SARNP: variants seen among roughly 807,000 people sequenced by gnomAD.
SARNP encodes the protein SAP domain containing ribonucleoprotein.
SARNP carries 5 observed loss-of-function variants against 38.1 expected under a neutral mutation model. That is an observed-to-expected ratio of 0.13 (90% CI 0.07 to 0.28). The LOEUF (loss-of-function observed/expected upper bound fraction) is 0.28, where lower values mean the gene tolerates loss of function less well. Ranked by LOEUF, SARNP falls within the 10% of genes least tolerant of loss-of-function variation. SARNP has a pLI of 1.00. For synonymous variants in SARNP, 84 were observed against 80.6 expected (o/e 1.04, Z -0.23); for missense variants, 180 against 243.9 (o/e 0.74, Z 1.75).
chr12:55,753,770 CAAAAAAAAAAAAAA>C (rs35350773), downstream of SARNP: 5 of 51,098 alleles, frequency 9.8e-5, no homozygotes, highest in East Asian at 5.7e-4. Flanking sequence ...CTCCCATCTC[CAAAAAAAAAAAAAA>C]AAAAAAAAAA....
chr12:55,764,398 G>A (rs1168117941), intron 9 of SARNP, among the ~76,000 whole-genome samples: 1 of 152,084 alleles, frequency 6.6e-6, no homozygotes, highest in Admixed American at 6.5e-5. Context: ...GGGCGTGGTG[G>A]CGCATGCCTG....
intron 10 of SARNP, 95 bp downstream of exon 10, chr12:55,760,444 GTAAATAAATAAA>G (rs542134059): frequency 1.4e-6 from 1 of 700,638 alleles, no homozygotes; most frequent in Admixed American, 2.5e-5. Flanking sequence ...ACTTAAATAA[GTAAATAAATAAA>G]TAAATAAATA....
intron 7 of SARNP, among the ~76,000 whole-genome samples, chr12:55,791,885 G>C (rs1879680982): frequency 6.6e-6 from 1 of 152,066 alleles, no homozygotes; most frequent in Non-Finnish European, 1.5e-5. Context: ...TTACTCTATA[G>C]TTCTAAGATG....
chr12:55,817,406 C>T (rs1004281686), intron 1 of SARNP, among the ~76,000 whole-genome samples: 1 of 152,138 alleles, frequency 6.6e-6, no homozygotes, highest in Non-Finnish European at 1.5e-5. Flanking sequence ...GGCACTTACA[C>T]AACCCAGTGG....
chr12:55,816,775 A>G (rs1172061871), intron 1 of SARNP, among the ~76,000 whole-genome samples: 4 of 152,204 alleles, frequency 2.6e-5, no homozygotes, highest in Admixed American at 6.5e-5. Context: ...TCTTTTTAAT[A>G]TATTTTTTTA....
chr12:55,771,830 T>C (rs1056229565), intron 9 of SARNP, among the ~76,000 whole-genome samples: 2 of 152,130 alleles, frequency 1.3e-5, no homozygotes, highest in Non-Finnish European at 2.9e-5. Context: ...ACGTGACTGA[T>C]GGCAGGATGA....
At chr12:55,774,620 C>T (rs1196927321) in intron 9 of SARNP, among the ~76,000 whole-genome samples, 1 of 147,014 alleles carries the variant, frequency 6.8e-6, no homozygotes, top group Admixed American at 6.8e-5. Flanking sequence ...TGGCGGCATG[C>T]ACCTGTAATC....
At chr12:55,790,413 A>T (rs530253644) in intron 8 of SARNP, among the ~76,000 whole-genome samples, 154 bp downstream of exon 8, 1 of 152,308 alleles carries the variant, frequency 6.6e-6, no homozygotes, top group South Asian at 2.1e-4. Flanking sequence ...TATCTCCAAC[A>T]ATTTTTTAAA....
chr12:55,807,221 G>C (rs769044736), intron 1 of SARNP, among the ~76,000 whole-genome samples: 3 of 152,200 alleles, frequency 2.0e-5, no homozygotes, highest in Non-Finnish European at 4.4e-5. Context: ...GGATATAGCA[G>C]TGACATCAAA....
rs768981214 is a variant in SARNP at position 55,757,472 on chromosome 12, T to C, written c.*40A>G. ...ATGTGACCAAGAAGAAGGAGAGAAA[T>C]GGAAAACACTGGAGAACAGAAAGTA... On this transcript the variant is annotated 3_prime_UTR_variant, in exon 11 of 11. Transcript: ENST00000336133. The C allele has an allele frequency of 1.3e-5, 21 of 1,572,644 alleles. No homozygotes were observed. The highest frequency in any genetic ancestry group is 1.8e-5 in the Non-Finnish European group (21 of 1,153,828).
chr12:55,764,438 G>A (rs1878764527), intron 9 of SARNP, among the ~76,000 whole-genome samples: 1 of 151,926 alleles, frequency 6.6e-6, no homozygotes, highest in Non-Finnish European at 1.5e-5. Flanking sequence ...GGCTGAGGCA[G>A]GAGAAGCGCT....
At chr12:55,756,864 G>A (rs761260772), downstream of SARNP, 2 of 152,098 alleles carry the variant, frequency 1.3e-5, no homozygotes, top group Non-Finnish European at 2.9e-5. Context: ...TGAAATCAGG[G>A]CCCTTTTCCT....
chr12:55,788,685 G>A (rs1879577188), intron 9 of SARNP, among the ~76,000 whole-genome samples: 1 of 152,114 alleles, frequency 6.6e-6, no homozygotes, highest in African/African-American at 2.4e-5. Flanking sequence ...TGTAGTTTTA[G>A]CTACGAGAAA....
intron 1 of SARNP, among the ~76,000 whole-genome samples, chr12:55,816,508 A>G (rs373036007): frequency 6.6e-6 from 1 of 152,218 alleles, no homozygotes; most frequent in South Asian, 2.1e-4. Context: ...TCAGTTTCAC[A>G]GAAAGACTAA....
chr12:55,767,619 G>A (rs528589457), intron 9 of SARNP, among the ~76,000 whole-genome samples: 106 of 151,926 alleles, frequency 7.0e-4, no homozygotes, highest in Non-Finnish European at 1.3e-3. Flanking sequence ...AGGCCGAGAC[G>A]GGTGGATCAC....
At chr12:55,785,653 T>C (rs867473206) in intron 9 of SARNP, among the ~76,000 whole-genome samples, 1 of 151,800 alleles carries the variant, frequency 6.6e-6, no homozygotes, top group Non-Finnish European at 1.5e-5. Context: ...CGCACTCCCA[T>C]ATTCTTAGCT....
chr12:55,787,667 C>T (rs566797020), intron 9 of SARNP, among the ~76,000 whole-genome samples: 7 of 152,078 alleles, frequency 4.6e-5, no homozygotes, highest in African/African-American at 1.7e-4. Flanking sequence ...AACTCCTGAC[C>T]TCAGGTGATC....
downstream of SARNP, chr12:55,757,260 A>AT (rs1878535393): frequency 2.9e-6 from 1 of 347,046 alleles, no homozygotes; most frequent in Non-Finnish European, 5.3e-6. Flanking sequence ...GCACCTAATA[A>AT]AACACATTGT....
intron 1 of SARNP, among the ~76,000 whole-genome samples, chr12:55,808,252 G>A (rs1034436823): frequency 1.3e-5 from 2 of 152,070 alleles, no homozygotes; most frequent in African/African-American, 2.4e-5. Context: ...GAAGGCTGAG[G>A]CAGGAGGACA....
Sources: allele counts gnomAD v4.1 joint callset (sites outside exome capture counted in the v4.1 genomes callset), GRCh38; gene constraint gnomAD v4.1.1; transcripts MANE v1.5; gene names NCBI Gene and HGNC (gene_info 2026-07-23, HGNC 2026-07-21).